Variants in FBN2 observed in about 807,000 individuals in gnomAD.
The protein encoded by FBN2 is fibrillin 2.
Under a neutral mutation model 355.6 loss-of-function variants are expected in FBN2, and 105 were observed. The observed-to-expected ratio is 0.30, with a 90% confidence interval of 0.25 to 0.35. The LOEUF is 0.35. Among genes scored for constraint, FBN2 ranks in the 10% least tolerant of loss-of-function variants. The pLI is 1.00. For synonymous variants in FBN2, 1,350 were observed against 1,301.2 expected (o/e 1.04, Z -0.81); for missense variants, 3,280 against 3,758.7 (o/e 0.87, Z 3.33).
At chr5:128,497,823 A>G (rs1165092920) in intron 5 of FBN2, among the ~76,000 whole-genome samples, 1 of 152,202 alleles carries the variant, frequency 6.6e-6, no homozygotes, top group Non-Finnish European at 1.5e-5. Flanking sequence ...GTAACAGAAA[A>G]AAATTATTAG....
At chr5:128,517,119 C>A (rs1756301231) in intron 5 of FBN2, among the ~76,000 whole-genome samples, 1 of 152,094 alleles carries the variant, frequency 6.6e-6, no homozygotes, top group African/African-American at 2.4e-5. Context: ...ATATGTAAAT[C>A]TTTATTGAAT....
At chr5:128,384,953 A>G (rs1267106554) in intron 11 of FBN2, among the ~76,000 whole-genome samples, 1 of 152,088 alleles carries the variant, frequency 6.6e-6, no homozygotes, top group Non-Finnish European at 1.5e-5. Context: ...TTAATTCTCA[A>G]AATTTTTAGA....
intron 26 of FBN2, among the ~76,000 whole-genome samples, chr5:128,338,347 A>G (rs1750901799): frequency 6.6e-6 from 1 of 152,348 alleles, no homozygotes; most frequent in Admixed American, 6.5e-5. Context: ...TAATTGCATG[A>G]AATCAGCAGG....
chr5:128,323,046 G>A (rs1403758064), intron 34 of FBN2, among the ~76,000 whole-genome samples: 1 of 152,102 alleles, frequency 6.6e-6, no homozygotes, highest in Non-Finnish European at 1.5e-5. Context: ...GTGAATGGGA[G>A]TTCACTCATG....
chr5:128,479,769 A>G (rs1347768058), intron 5 of FBN2, among the ~76,000 whole-genome samples: 1 of 151,612 alleles, frequency 6.6e-6, no homozygotes, highest in Non-Finnish European at 1.5e-5. Context: ...TGTACAAAAT[A>G]TTAAAAAATT....
At chr5:128,512,198 A>G (rs1051790390) in intron 5 of FBN2, among the ~76,000 whole-genome samples, 2 of 152,124 alleles carry the variant, frequency 1.3e-5, no homozygotes, top group African/African-American at 4.8e-5. Flanking sequence ...TCTCTCACCC[A>G]TTAGGACAAT....
chr5:128,480,654 G>T (rs901061631), intron 5 of FBN2, among the ~76,000 whole-genome samples: 3 of 152,120 alleles, frequency 2.0e-5, no homozygotes, highest in Admixed American at 6.5e-5. Context: ...AGGTTGCAGT[G>T]AGCCAAGATT....
intron 47 of FBN2, 85 bp from the exon 48 acceptor site, chr5:128,301,021 T>C: frequency 1.5e-6 from 2 of 1,300,864 alleles, no homozygotes; most frequent in East Asian, 2.4e-5. Context: ...GATATTAACA[T>C]GAATTCAACT....
chr5:128,277,495 TTCAG>T (rs1469765054), intron 58 of FBN2, among the ~76,000 whole-genome samples: 6 of 152,208 alleles, frequency 3.9e-5, no homozygotes, highest in Admixed American at 6.5e-5. Context: ...GCCCTTTTCC[TTCAG>T]TCAAAGAGTG....
chr5:128,264,021 G>A (rs1289556037), intron 62 of FBN2, among the ~76,000 whole-genome samples: 1 of 152,062 alleles, frequency 6.6e-6, no homozygotes, highest in Middle Eastern at 3.2e-3. Flanking sequence ...TAGTTGCCGG[G>A]GCCTGTCGGG....
intron 16 of FBN2, 94 bp downstream of exon 16, chr5:128,369,088 T>C (rs1751859558): frequency 6.4e-6 from 8 of 1,249,256 alleles, no homozygotes; most frequent in South Asian, 4.9e-5. Flanking sequence ...AAATTAATGA[T>C]GAAACACTTA....
intron 6 of FBN2, among the ~76,000 whole-genome samples, chr5:128,455,990 C>CAAAAAAAAAACAAAAAACAAAAAA: frequency 4.0e-5 from 1 of 25,272 alleles, no homozygotes; most frequent in Non-Finnish European, 7.9e-5. Flanking sequence ...GGGTTAGCAA[C>CAAAAAAAAAACAAAAAACAAAAAA]AAAAAAAAAA....
At chr5:128,471,281 A>T (rs1754854281) in intron 5 of FBN2, among the ~76,000 whole-genome samples, 2 of 152,178 alleles carry the variant, frequency 1.3e-5, no homozygotes, top group South Asian at 4.1e-4. Context: ...TGAGGTTATA[A>T]TTGAGAATCT....
At chr5:128,349,852 AGG>A in intron 22 of FBN2, 101 bp downstream of exon 22, 1 of 894,160 alleles carries the variant, frequency 1.1e-6, no homozygotes, top group Non-Finnish European at 1.8e-6. Context: ...TGAAATGTCA[AGG>A]TTTTTGAAAA....
intron 6 of FBN2, among the ~76,000 whole-genome samples, chr5:128,463,088 T>A (rs556511586): frequency 1.2e-3 from 190 of 152,214 alleles, no homozygotes; most frequent in Non-Finnish European, 2.0e-3. Flanking sequence ...GTAAATCCAG[T>A]CATTATTAAA....
chr5:128,271,325 A>G (rs1765262165), intron 62 of FBN2, among the ~76,000 whole-genome samples: 1 of 152,048 alleles, frequency 6.6e-6, no homozygotes, highest in African/African-American at 2.4e-5. Context: ...AGCGCATTCA[A>G]AAGGAGCCAA....
rs955500713 is a variant in FBN2 at position 128,289,404 on chromosome 5, C to T, written c.6512-152G>A. ...CTTGAGACCAGCCTGGGCAACATGG[C>T]GAAACCCCATCTCTACTAAAAATAC... On this transcript the variant is annotated intron_variant, in intron 51 of 64. Transcript: ENST00000262464. The T allele has an allele frequency of 1.2e-4, 92 of 757,168 alleles. No individual in the cohort carries two copies. In the Middle Eastern group the frequency reaches 1.4e-3, roughly 11 times the overall value. The allele number at this position is 757,168 out of a possible 1,614,324, so 46.9% of individuals were successfully genotyped here.
Position 128,336,044 on chromosome 5 carries a change from T to G in FBN2, c.3668A>C (p.Tyr1223Ser). 6.2e-7 allele frequency: 1 copy of G among 1,614,004 alleles called. No homozygotes were observed. The highest frequency in any genetic ancestry group is 8.5e-7 in the Non-Finnish European group (1 of 1,179,872). The change falls in exon 28 of 65, where the codon TAT (tyrosine) becomes TCT (serine). Residue 1223 changes from tyrosine (Y) to serine (S), a missense_variant. By Grantham distance (144) the Tyr-to-Ser change is moderately radical (BLOSUM62 -2). This residue lies in a region of FBN2 where 2,284 missense variants were observed against 2,749.5 expected (regional missense o/e 0.83). Transcript: ENST00000262464. ...NGKCVNMIGT[Y>S]QCSCNPGYQA... Reference sequence around the variant, plus strand: ...ATATCCAGGATTGCAAGAGCACTGATAGGTTCCAATCATGTTCACACATTT... The same window carrying G: ...ATATCCAGGATTGCAAGAGCACTGAGAGGTTCCAATCATGTTCACACATTT...
intron 30 of FBN2, 120 bp from the exon 31 acceptor site, chr5:128,334,964 G>T: frequency 1.7e-6 from 2 of 1,155,042 alleles, no homozygotes; most frequent in East Asian, 2.5e-5. Flanking sequence ...TAATCCATCC[G>T]CAAATCATCG....
Sources: allele counts gnomAD v4.1 joint callset (sites outside exome capture counted in the v4.1 genomes callset), GRCh38; gene constraint gnomAD v4.1.1; regional missense constraint gnomAD v4.1.1; transcripts MANE v1.5; gene names NCBI Gene and HGNC (gene_info 2026-07-23, HGNC 2026-07-21).